CPLX1: variants seen among roughly 807,000 people sequenced by gnomAD.
The protein encoded by CPLX1 is complexin 1.
CPLX1 carries 6 observed loss-of-function variants against 15.6 expected under a neutral mutation model. The observed-to-expected ratio is 0.39, with a 90% CI of 0.21 to 0.76. The LOEUF is 0.76. Among genes scored for constraint, CPLX1 ranks in the 30% least tolerant of loss-of-function variants. The pLI, the probability that CPLX1 is intolerant of heterozygous loss-of-function variation, is 0.43. For synonymous variants in CPLX1, 91 were observed against 75.2 expected, an observed-to-expected ratio of 1.21 and a Z score of -1.08; for missense variants, 242 against 188.6, an observed-to-expected ratio of 1.28 and a Z score of -1.66.
At chr4:814,219 A>ATT (rs572361585) in intron 2 of CPLX1, among the ~76,000 whole-genome samples, 1 of 147,122 alleles carries the variant, frequency 6.8e-6, no homozygotes. Flanking sequence ...ACTCTGCCTG[A>ATT]TTTTTTTTTT....
intron 2 of CPLX1, among the ~76,000 whole-genome samples, chr4:801,078 G>A (rs1461417566): frequency 1.3e-5 from 2 of 151,742 alleles, no homozygotes; most frequent in African/African-American, 4.8e-5. Flanking sequence ...ACTTTGGGAA[G>A]TCGAGGCGGG....
chr4:788,086 G>A (rs749964898), intron 3 of CPLX1: 14 of 985,316 alleles, frequency 1.4e-5, no homozygotes, highest in African/African-American at 1.7e-5. Flanking sequence ...GGAGCACACC[G>A]CGGGATCACC....
At chr4:795,192 A>T (rs762433761) in intron 2 of CPLX1, among the ~76,000 whole-genome samples, 2 of 152,244 alleles carry the variant, frequency 1.3e-5, no homozygotes, top group African/African-American at 2.4e-5. Context: ...AAAGCTGGGA[A>T]TTGGGCGCAG....
chr4:786,564 C>T lies in CPLX1; in HGVS notation c.342G>A (p.Glu114=). Residue 114 remains glutamate (E), a synonymous_variant, in exon 4 of 4, where the codon GAG becomes GAA. Transcript: ENST00000304062. Reference sequence around the variant, plus strand: ...ACTTGATGACGGTGTCCAGGATGCTCTCGTCCTCCTCCTCCACCTCGTCCC... The same window carrying T: ...ACTTGATGACGGTGTCCAGGATGCTTTCGTCCTCCTCCTCCACCTCGTCCC... ...GCGDEVEEED[E]SILDTVIKYL... 1 of 1,609,840 alleles carries T rather than the reference C, an allele frequency of 6.2e-7. No individual in the cohort carries two copies. The highest frequency in any genetic ancestry group is 8.5e-7 in the Non-Finnish European group (1 of 1,178,292).
chr4:791,173 C>CGGGGCGG (rs907758074), intron 3 of CPLX1, among the ~76,000 whole-genome samples: 37 of 84,768 alleles, frequency 4.4e-4, no homozygotes, highest in African/African-American at 1.7e-3. Flanking sequence ...GGGTCAGCTG[C>CGGGGCGG]GGGGCGGGGG....
intron 2 of CPLX1, among the ~76,000 whole-genome samples, chr4:812,703 C>T (rs991040625): frequency 2.0e-5 from 3 of 152,158 alleles, no homozygotes; most frequent in African/African-American, 2.4e-5. Flanking sequence ...CGGTGGCTCA[C>T]GCCTGTAATC....
chr4:791,480 C>T (rs1343395690), intron 3 of CPLX1, among the ~76,000 whole-genome samples: 1 of 152,186 alleles, frequency 6.6e-6, no homozygotes, highest in Non-Finnish European at 1.5e-5. Context: ...CACCTCTGTC[C>T]ACTTCAGGAG....
intron 2 of CPLX1, among the ~76,000 whole-genome samples, chr4:805,359 A>G (rs1402392408): frequency 1.3e-5 from 2 of 152,240 alleles, no homozygotes; most frequent in African/African-American, 2.4e-5. Context: ...TGAAGCTCTC[A>G]TGGAATGCTT....
chr4:801,126 A>C (rs28461303), intron 2 of CPLX1, among the ~76,000 whole-genome samples: 9,656 of 151,768 alleles, frequency 0.064, 999 homozygotes, highest in African/African-American at 0.22. Context: ...TAGCCTGGCT[A>C]ACATGGTGAA....
intron 3 of CPLX1, among the ~76,000 whole-genome samples, chr4:790,067 T>A (rs745963764): frequency 1.3e-4 from 19 of 149,230 alleles, no homozygotes; most frequent in Non-Finnish European, 1.8e-4. Flanking sequence ...GAGGGCAGCG[T>A]TCCCCCACCC....
chr4:791,439 C>G (rs1021645613), intron 3 of CPLX1, among the ~76,000 whole-genome samples: 1 of 152,244 alleles, frequency 6.6e-6, no homozygotes, highest in South Asian at 2.1e-4. Flanking sequence ...CTGCATGTGC[C>G]GCACCTGCCC....
At chr4:824,654 C>G (rs1387870497) in intron 1 of CPLX1, 53 bp from the exon 2 acceptor site, 3 of 929,726 alleles carry the variant, frequency 3.2e-6, no homozygotes, top group Admixed American at 1.8e-5. Flanking sequence ...CCTGCCTGGC[C>G]TTCCCCAGAG....
chr4:814,661 C>G (rs1003434026), intron 2 of CPLX1, among the ~76,000 whole-genome samples: 2 of 152,252 alleles, frequency 1.3e-5, no homozygotes, highest in African/African-American at 4.8e-5. Context: ...TGCCTTAAAT[C>G]TGAAGAACCA....
intron 2 of CPLX1, among the ~76,000 whole-genome samples, chr4:795,116 T>C (rs1746293642): frequency 6.6e-6 from 1 of 152,214 alleles, no homozygotes; most frequent in South Asian, 2.1e-4. Context: ...GCGTCACAGA[T>C]GCCGCCCACG....
rs1370147694 is a variant in CPLX1 at position 792,419 on chromosome 4, G to T, written c.207+14C>A. ...GGGCCGCCTTCCCGCAGGCGGGGCC[G>T]GCCCGGCGCGCACCTTGTCTCGGAT... is the stretch of plus-strand genomic sequence containing the variant. On this transcript the variant is annotated intron_variant, in intron 3 of 3. Coordinates refer to ENST00000304062, the MANE Select transcript of CPLX1 (RefSeq NM_006651.4). 2.9e-5 allele frequency: 44 copies of T among 1,522,616 alleles called. No homozygotes were observed. The Admixed American group carries it at 8.7e-4, about 30-fold the overall frequency. The allele number at this position is 1,522,616 out of a possible 1,614,324, so 94.3% of individuals were successfully genotyped here.
rs566915233 is a variant in CPLX1, at chr4:817,486, A to T, written c.31+7006T>A. Among the ~76,000 whole-genome samples, 14 of 151,736 alleles carry T rather than the reference A, an allele frequency of 9.2e-5. No individual in the cohort carries two copies. The South Asian group carries it at 2.9e-3, about 32-fold the overall frequency. On this transcript the variant is annotated intron_variant, in intron 2 of 3. Coordinates refer to ENST00000304062, the MANE Select transcript of CPLX1 (RefSeq NM_006651.4). ...GGCAGGAGAATCGCTTGAACCCAGG[A>T]GGCGGAGGTTATATGAGCTGAGATT...
At chr4:817,275 C>T (rs982506633) in intron 2 of CPLX1, among the ~76,000 whole-genome samples, 8 of 150,182 alleles carry the variant, frequency 5.3e-5, no homozygotes, top group Non-Finnish European at 8.9e-5. Flanking sequence ...AAATTCAGGC[C>T]GGGCGCAGTG....
chr4:790,516 G>A (rs529865039), intron 3 of CPLX1, among the ~76,000 whole-genome samples: 8 of 152,210 alleles, frequency 5.3e-5, no homozygotes, highest in South Asian at 2.1e-4. Flanking sequence ...CATCCTGCCC[G>A]GGCCACTCGG....
chr4:804,663 C>A, intron 2 of CPLX1: 1 of 903,162 alleles, frequency 1.1e-6, no homozygotes. Context: ...CGCTTTTGTT[C>A]TTTTTGGGGC....
Sources: allele counts gnomAD v4.1 joint callset (sites outside exome capture counted in the v4.1 genomes callset), GRCh38; gene constraint gnomAD v4.1.1; transcripts MANE v1.5; gene names NCBI Gene and HGNC (gene_info 2026-07-23, HGNC 2026-07-21).